Variants in RNF212B observed in about 807,000 individuals in gnomAD.
RNF212B encodes the protein ring finger protein 212B.
In RNF212B, 52 loss-of-function variants were observed where a neutral mutation model predicts 55.5. The observed-to-expected ratio is 0.94, with a 90% CI of 0.75 to 1.18. RNF212B has a LOEUF of 1.18. RNF212B is among the 50% of genes most tolerant of loss of function. RNF212B has a pLI of 0.00. For synonymous variants in RNF212B, 99 were observed against 121.4 expected (o/e 0.82, Z 1.21); for missense variants, 289 against 350.4 (o/e 0.82, Z 1.40).
chr14:23,214,484 A>T (rs1028405210), intron 2 of RNF212B, among the ~76,000 whole-genome samples: 9 of 152,072 alleles, frequency 5.9e-5, no homozygotes, highest in Non-Finnish European at 1.2e-4. Flanking sequence ...ACAGAGTGAG[A>T]CTCAGTCCCC....
At chr14:23,211,662 T>A (rs1167165216) in intron 2 of RNF212B, among the ~76,000 whole-genome samples, 1 of 152,190 alleles carries the variant, frequency 6.6e-6, no homozygotes, top group African/African-American at 2.4e-5. Flanking sequence ...CAGGAACACA[T>A]AATTGATTTA....
chr14:23,269,694 A>G (rs1000517959), intron 12 of RNF212B, among the ~76,000 whole-genome samples, 169 bp from the exon 13 acceptor site: 1 of 151,694 alleles, frequency 6.6e-6, no homozygotes, highest in African/African-American at 2.4e-5. Context: ...CCTGGGCAAC[A>G]GAGTGAGACC....
At chr14:23,241,973 T>C (rs1883605415) in intron 2 of RNF212B, among the ~76,000 whole-genome samples, 1 of 147,182 alleles carries the variant, frequency 6.8e-6, no homozygotes, top group South Asian at 2.1e-4. Context: ...TCCCAGCTAC[T>C]CAGGAGGCTG....
chr14:23,241,950 C>T (rs1306665644), intron 2 of RNF212B, among the ~76,000 whole-genome samples: 1 of 151,082 alleles, frequency 6.6e-6, no homozygotes, highest in African/African-American at 2.4e-5. Flanking sequence ...GGCATGGTGG[C>T]GGGCGCCTAT....
At chr14:23,206,107 C>T (rs939522010) in intron 2 of RNF212B, among the ~76,000 whole-genome samples, 12 of 152,108 alleles carry the variant, frequency 7.9e-5, no homozygotes, top group Non-Finnish European at 1.5e-4. Context: ...CGGAGTCTTG[C>T]TCTGTCAGCC....
rs550600202 is a variant in RNF212B, at chr14:23,226,310, A to G, written c.-1-14035A>G. Among the ~76,000 whole-genome samples the G allele has an allele frequency of 1.4e-3, 210 of 144,944 alleles. 1 individual carries two copies. Among genetic ancestry groups the G allele is most frequent in the Admixed American group, 3.1e-3 (45 of 14,392 alleles). On this transcript the variant is annotated intron_variant, in intron 2 of 15. Transcript: ENST00000399910. ...AGAAACCGTCTCAAAAAAAAAAAAA[A>G]AAAAAATTAAATAAATAAATAAATA...
chr14:23,271,512 T>C (rs1344832230), intron 14 of RNF212B, among the ~76,000 whole-genome samples: 2 of 151,810 alleles, frequency 1.3e-5, no homozygotes, highest in African/African-American at 4.8e-5. Flanking sequence ...TTTTTTTTAA[T>C]GGCTTGGGTT....
intron 1 of RNF212B, among the ~76,000 whole-genome samples, chr14:23,239,657 C>T (rs576079701): frequency 7.3e-5 from 11 of 151,566 alleles, no homozygotes; most frequent in East Asian, 3.9e-4. Flanking sequence ...CTGGCTCTGT[C>T]GCCTAGGCTG....
intron 5 of RNF212B, 117 bp downstream of exon 5, chr14:23,258,781 G>A (rs1395865429): frequency 1.1e-5 from 5 of 449,390 alleles, no homozygotes; most frequent in African/African-American, 8.3e-5. Context: ...TGTTTGTTTG[G>A]GAAAATCAGG....
upstream of RNF212B, among the ~76,000 whole-genome samples, chr14:23,236,270 C>T (rs1883081747): frequency 6.6e-6 from 1 of 152,182 alleles, no homozygotes. Flanking sequence ...AATCCCAGCA[C>T]TTTGGGAGAC....
intron 4 of RNF212B, among the ~76,000 whole-genome samples, chr14:23,247,140 CAA>C (rs36074283): frequency 7.2e-6 from 1 of 139,586 alleles, no homozygotes; most frequent in Non-Finnish European, 1.5e-5. Flanking sequence ...AACTCCATCT[CAA>C]AAAAAAAAAA....
intron 4 of RNF212B, among the ~76,000 whole-genome samples, chr14:23,248,843 G>C (rs941644005): frequency 3.9e-5 from 6 of 152,092 alleles, no homozygotes; most frequent in Non-Finnish European, 8.8e-5. Context: ...ATTGCATTGG[G>C]AGTTGAGTGT....
At chr14:23,218,300 G>C (rs1881274871) in intron 2 of RNF212B, among the ~76,000 whole-genome samples, 1 of 151,958 alleles carries the variant, frequency 6.6e-6, no homozygotes, top group South Asian at 2.1e-4. Flanking sequence ...CCTGGGAGGT[G>C]GAGGTTGCAG....
chr14:23,244,215 T>C, intron 3 of RNF212B, 107 bp from the exon 4 acceptor site: 1 of 585,104 alleles, frequency 1.7e-6, no homozygotes, highest in Non-Finnish European at 2.9e-6. Context: ...ACAGTGGAGA[T>C]AATGTCAGGT....
intron 11 of RNF212B, 61 bp from the exon 12 acceptor site, chr14:23,268,863 A>C (rs1885874305): frequency 3.6e-6 from 5 of 1,393,684 alleles, no homozygotes; most frequent in Non-Finnish European, 5.0e-6. Context: ...GGCCCCAAGT[A>C]TACCTGAATC....
intron 4 of RNF212B, among the ~76,000 whole-genome samples, chr14:23,251,587 G>A (rs894264722): frequency 1.3e-5 from 2 of 152,244 alleles, no homozygotes; most frequent in East Asian, 3.9e-4. Flanking sequence ...AGGCTGAGGC[G>A]GGCAGATCAC....
In RNF212B at chr14:23,258,338, C is replaced by CAAA. The variant is rs1213381274; in HGVS notation, c.229-195_229-193dup. On this transcript the variant is annotated intron_variant, in intron 4 of 14. Coordinates refer to ENST00000430154, the MANE Select transcript of RNF212B (RefSeq NM_001282322.3). ...GGGCAACAATAGCGAAACTCTGTCT[C>CAAA]AAAAAAAAAAAAAAAAAAGACAGTA... The CAAA allele has an allele frequency of 4.0e-3, 612 of 152,400 alleles. 4 individuals carry two copies. The highest frequency in any genetic ancestry group is 8.1e-3 in the Middle Eastern group (3 of 372). The allele number at this position is 152,400 out of a possible 1,614,324, so 9.4% of individuals were successfully genotyped here.
intron 4 of RNF212B, among the ~76,000 whole-genome samples, chr14:23,251,814 C>CAAAAAAAAAAAAA (rs71119011): frequency 9.5e-5 from 13 of 136,402 alleles, no homozygotes; most frequent in African/African-American, 8.0e-5. Flanking sequence ...GACTCTGTCT[C>CAAAAAAAAAAAAA]AAAAAAAAAA....
intron 2 of RNF212B, among the ~76,000 whole-genome samples, chr14:23,227,349 T>C (rs1423955454): frequency 1.3e-5 from 2 of 152,092 alleles, no homozygotes; most frequent in Non-Finnish European, 2.9e-5. Context: ...TTTATGGTAT[T>C]AGAAAGCAGG....
Sources: gnomAD v4.1 joint callset for allele counts (sites outside exome capture counted in the v4.1 genomes callset) on GRCh38, gnomAD v4.1.1 for gene constraint, MANE v1.5 for transcripts, NCBI Gene and HGNC (gene_info 2026-07-23, HGNC 2026-07-21) for gene names.